KCNIP4: variants seen among roughly 807,000 people sequenced by gnomAD.
KCNIP4 encodes the protein potassium voltage-gated channel interacting protein 4.
In KCNIP4, 12 loss-of-function variants were observed where a neutral mutation model predicts 34.0. That is an observed-to-expected ratio of 0.35 (90% CI 0.23 to 0.57). The LOEUF (loss-of-function observed/expected upper bound fraction) is 0.57, where lower values mean the gene tolerates loss of function less well. Ranked by LOEUF, KCNIP4 falls within the 20% of genes least tolerant of loss-of-function variation. The pLI is 0.83. For synonymous variants in KCNIP4, 124 were observed against 102.2 expected, an observed-to-expected ratio of 1.21 and a Z score of -1.29; for missense variants, 238 against 311.7, an observed-to-expected ratio of 0.76 and a Z score of 1.78.
intron 1 of KCNIP4, among the ~76,000 whole-genome samples, chr4:21,469,925 G>A (rs1167580584): frequency 2.0e-5 from 3 of 152,138 alleles, no homozygotes; most frequent in Non-Finnish European, 4.4e-5. Context: ...AGAATTTTAT[G>A]TTTGGAAAAT....
intron 1 of KCNIP4, among the ~76,000 whole-genome samples, chr4:21,554,472 TG>T (rs1738826519): frequency 6.6e-6 from 1 of 152,160 alleles, no homozygotes; most frequent in Admixed American, 6.5e-5. Context: ...AAGATTTAAG[TG>T]GTATTATAAT....
At position 20,853,708 on chromosome 4, in the gene KCNIP4, G is replaced by A. The variant is rs555345792; in HGVS notation, c.164-3041C>T. Among the ~76,000 whole-genome samples the A allele has an allele frequency of 2.0e-5, 3 of 152,106 alleles. No individual in the cohort carries two copies. In the East Asian group the frequency reaches 5.8e-4, roughly 30 times the overall value. On this transcript the variant is annotated intron_variant, in intron 2 of 8. Coordinates refer to ENST00000382152, the MANE Select transcript of KCNIP4 (RefSeq NM_025221.6). Reference sequence around the variant, plus strand: ...AAAGGAACAGTCAGCAGAGTAAACAGACAACCCACAGAGTGGGAGAAAATC... The same window carrying A: ...AAAGGAACAGTCAGCAGAGTAAACAAACAACCCACAGAGTGGGAGAAAATC...
chr4:21,555,705 T>C (rs534965571), intron 1 of KCNIP4, among the ~76,000 whole-genome samples: 12 of 151,132 alleles, frequency 7.9e-5, no homozygotes, highest in Non-Finnish European at 1.5e-4. Context: ...GGTAGATTTC[T>C]TTGTCATGCT....
At position 20,908,640 on chromosome 4, in the gene KCNIP4, G is replaced by T. The variant is rs181863634; in HGVS notation, c.62-25931C>A. On this transcript the variant is annotated intron_variant, in intron 1 of 8. Coordinates refer to ENST00000382152, the MANE Select transcript of KCNIP4 (RefSeq NM_025221.6). ...ACAGGTCAGGCATTATTTTGCAACA[G>T]AGACCAGGTTCTAGTGACATCTACT... Among the ~76,000 whole-genome samples the T allele has an allele frequency of 8.5e-5, 13 of 152,286 alleles. No homozygotes were observed. The East Asian group carries it at 2.3e-3, about 27-fold the overall frequency.
At chr4:20,805,624 A>T (rs1714981752) in intron 3 of KCNIP4, among the ~76,000 whole-genome samples, 3 of 152,046 alleles carry the variant, frequency 2.0e-5, no homozygotes, top group Admixed American at 2.0e-4. Context: ...TATTGGAGAA[A>T]TTTTTTCCTT....
intron 1 of KCNIP4, among the ~76,000 whole-genome samples, chr4:21,360,122 G>C (rs955428481): frequency 2.0e-5 from 3 of 152,136 alleles, no homozygotes; most frequent in East Asian, 1.9e-4. Flanking sequence ...TCAGAATTTA[G>C]AATTAAGAGA....
At chr4:20,882,835 G>GTTGGGAC in intron 1 of KCNIP4, 126 bp from the exon 2 acceptor site, 1 of 625,428 alleles carries the variant, frequency 1.6e-6, no homozygotes, top group Non-Finnish European at 2.8e-6. Context: ...GCAATCACAG[G>GTTGGGAC]CAGTGGGTTG....
rs770568451 is a variant in KCNIP4, at chr4:21,866,762, ATTTTT to A, written c.61+81804_61+81808del. Among the ~76,000 whole-genome samples, 9 of 82,726 alleles carry A rather than the reference ATTTTT, an allele frequency of 1.1e-4. No homozygotes were observed. The South Asian group carries it at 3.9e-3, about 36-fold the overall frequency. 54.3% of individuals were successfully genotyped at this position (82,726 alleles called of 152,430 possible). ...AAGTGAATTCCATAGTTCAGCCTGG[ATTTTT>A]TTTTTTTTTTTTTTTTTTTTGAGAT... On this transcript the variant is annotated intron_variant, in intron 1 of 8. Coordinates refer to ENST00000382152, the MANE Select transcript of KCNIP4 (RefSeq NM_025221.6).
At chr4:21,512,184 C>CGAAG (rs1734391252) in intron 1 of KCNIP4, among the ~76,000 whole-genome samples, 3 of 136,594 alleles carry the variant, frequency 2.2e-5, no homozygotes, top group African/African-American at 9.1e-5. Flanking sequence ...AAGGAAGGAA[C>CGAAG]GAACGAAGGA....
chr4:21,946,036 AAG>A (rs1405467490), intron 1 of KCNIP4, among the ~76,000 whole-genome samples: 2 of 148,270 alleles, frequency 1.3e-5, no homozygotes, highest in Non-Finnish European at 3.0e-5. Context: ...ACTTGTTGAG[AAG>A]AGAGTACGGA....
chr4:21,178,501 TAA>T lies in KCNIP4; in HGVS notation c.62-295794_62-295793del, dbSNP rs2109315632. ...GACCTCAGTTTATTTCCAGGTATAG[TAA>T]CCATGTGTCCAGGATAGTTATTTAA... On this transcript the variant is annotated intron_variant, in intron 1 of 8. Transcript: ENST00000382152. 2.2e-3 allele frequency among the ~76,000 whole-genome samples: 325 copies of T among 148,210 alleles called. 2 individuals are homozygous for T. The highest frequency in any genetic ancestry group is 8.0e-3 in the African/African-American group (304 of 37,790).
intron 1 of KCNIP4, among the ~76,000 whole-genome samples, chr4:21,816,735 T>C (rs1234777264): frequency 6.6e-6 from 1 of 152,158 alleles, no homozygotes; most frequent in African/African-American, 2.4e-5. Context: ...TAATTATTAG[T>C]TGACCCCAAA....
intron 1 of KCNIP4, chr4:21,845,368 A>T (rs1316403755): frequency 1.3e-5 from 2 of 152,142 alleles, no homozygotes; most frequent in Non-Finnish European, 2.9e-5. Context: ...TATAATTTTC[A>T]CAAGTAACAA....
At chr4:21,410,714 T>C (rs1242403400) in intron 1 of KCNIP4, among the ~76,000 whole-genome samples, 1 of 152,210 alleles carries the variant, frequency 6.6e-6, no homozygotes, top group Admixed American at 6.5e-5. Flanking sequence ...CATGTAAAAC[T>C]GTGTATTATA....
chr4:21,805,787 T>C (rs1163102234), intron 1 of KCNIP4, among the ~76,000 whole-genome samples: 3 of 152,196 alleles, frequency 2.0e-5, no homozygotes, highest in African/African-American at 7.2e-5. Context: ...CCCTGGCCAG[T>C]AAGCAAGTTC....
intron 1 of KCNIP4, among the ~76,000 whole-genome samples, chr4:20,919,761 G>T (rs1165826244): frequency 6.6e-6 from 1 of 151,928 alleles, no homozygotes; most frequent in African/African-American, 2.4e-5. Flanking sequence ...TGGCGGGGGG[G>T]AGTCAAATGA....
At chr4:21,588,023 G>C (rs963745066) in intron 1 of KCNIP4, among the ~76,000 whole-genome samples, 1 of 151,864 alleles carries the variant, frequency 6.6e-6, no homozygotes, top group Non-Finnish European at 1.5e-5. Context: ...CTAGCTTCCT[G>C]TTGCTTCCAT....
intron 2 of KCNIP4, among the ~76,000 whole-genome samples, chr4:20,878,456 G>A (rs540285920): frequency 8.4e-4 from 128 of 152,174 alleles, no homozygotes; most frequent in African/African-American, 2.9e-3. Context: ...ATCAAGATAT[G>A]TCCCCTGCAT....
intron 1 of KCNIP4, among the ~76,000 whole-genome samples, chr4:21,440,851 A>G (rs1175042705): frequency 6.6e-6 from 1 of 152,220 alleles, no homozygotes; most frequent in East Asian, 1.9e-4. Flanking sequence ...AAGCAAAACA[A>G]ATCAAAACAA....
Sources: gnomAD v4.1 joint callset for allele counts (sites outside exome capture counted in the v4.1 genomes callset) on GRCh38, gnomAD v4.1.1 for gene constraint, MANE v1.5 for transcripts, NCBI Gene and HGNC (gene_info 2026-07-23, HGNC 2026-07-21) for gene names.